The following UNC13A variants were observed in gnomAD, a reference collection of about 807,000 sequenced individuals.
UNC13A encodes the protein unc-13 homolog A, also known as protein unc-13 homolog A.
A neutral mutation model predicts 219.7 loss-of-function variants in UNC13A; 61 were observed. That is an observed-to-expected ratio of 0.28 (90% CI 0.23 to 0.34). The LOEUF (loss-of-function observed/expected upper bound fraction) is 0.34. UNC13A is among the 10% of genes least tolerant of loss of function. The pLI, the probability that UNC13A is intolerant of heterozygous loss-of-function variation, is 1.00. For missense variants in UNC13A, 1,476 were observed against 2,270.3 expected, an observed-to-expected ratio of 0.65 and a Z score of 7.11; for synonymous variants, 920 against 884.6, an observed-to-expected ratio of 1.04 and a Z score of -0.71.
chr19:17,655,568 C>T (rs530293272), intron 10 of UNC13A, among the ~76,000 whole-genome samples, 186 bp from the exon 11 acceptor site: 44 of 152,274 alleles, frequency 2.9e-4, no homozygotes, highest in African/African-American at 1.0e-3. Context: ...ACACCCAATG[C>T]TTCTGTGACA....
chr19:17,620,554 G>C, intron 38 of UNC13A, 139 bp downstream of exon 38: 1 of 522,586 alleles, frequency 1.9e-6, no homozygotes, highest in South Asian at 1.6e-5. Flanking sequence ...AAGCCAGACA[G>C]ACAAAGGAAG....
At chr19:17,677,038 A>G (rs1250372546) in intron 1 of UNC13A, among the ~76,000 whole-genome samples, 2 of 152,124 alleles carry the variant, frequency 1.3e-5, no homozygotes, top group African/African-American at 4.8e-5. Context: ...AGTAATGTAC[A>G]GGGAGACACT....
chr19:17,680,522 C>T (rs563483639), intron 1 of UNC13A, among the ~76,000 whole-genome samples: 92 of 152,302 alleles, frequency 6.0e-4, no homozygotes, highest in African/African-American at 2.1e-3. Context: ...CCCCCAGAAG[C>T]GCTGACTGAT....
chr19:17,666,126 C>CTTT (rs775908127), intron 7 of UNC13A, among the ~76,000 whole-genome samples: 1 of 130,166 alleles, frequency 7.7e-6, no homozygotes. Flanking sequence ...CTTTTCTTTT[C>CTTT]TTTCTTTTTC....
At chr19:17,687,592 T>TC (rs1012922449) in intron 1 of UNC13A, among the ~76,000 whole-genome samples, 11 of 151,266 alleles carry the variant, frequency 7.3e-5, no homozygotes, top group African/African-American at 2.7e-4. Context: ...GTCTCCACAC[T>TC]CCCCCCACTC....
Position 17,616,847 on chromosome 19 carries a change from C to G in UNC13A, c.4558+855G>C, listed in dbSNP as rs77011553. On this transcript the variant is annotated intron_variant, in intron 41 of 43. Transcript: ENST00000519716. ...GGTGTCGATGGCGATTCTCCCTCCC[C>G]CTCCTGAGTTCAAGCCGCCAAACTT... Among the ~76,000 whole-genome samples, 136 of 152,240 alleles carry G rather than the reference C, an allele frequency of 8.9e-4. 4 individuals carry two copies. The South Asian group carries it at 0.017, about 19-fold the overall frequency.
At chr19:17,625,991 A>G (rs898897164) in intron 34 of UNC13A, among the ~76,000 whole-genome samples, 2 of 150,006 alleles carry the variant, frequency 1.3e-5, no homozygotes, top group African/African-American at 5.0e-5. Flanking sequence ...CCATCTATAC[A>G]TCAAAACATT....
chr19:17,626,175 ATCCATCCATCCATCCATCG>A (rs2076781944), intron 34 of UNC13A: 6 of 152,010 alleles, frequency 3.9e-5, no homozygotes, highest in Admixed American at 3.9e-4. Context: ...CCATCCATCC[ATCCATCCATCCATCCATCG>A]TCCATCCAAC....
In UNC13A at chr19:17,669,044, C is replaced by A. The variant is rs35874560; in HGVS notation, c.394+509G>T. ...CTCCTGGCCTCAAATGATCCTCCCC[C>A]CTTGGCCTCCCAAAGTGCTGGGATT... is the stretch of plus-strand genomic sequence containing the variant. On this transcript the variant is annotated intron_variant, in intron 5 of 43. Coordinates refer to ENST00000519716, the MANE Select transcript of UNC13A (RefSeq NM_001080421.3). Among the ~76,000 whole-genome samples the A allele has an allele frequency of 3.9e-5, 6 of 151,982 alleles. No individual in the cohort carries two copies. The South Asian group carries it at 8.3e-4, about 21-fold the overall frequency.
At chr19:17,678,266 G>A (rs912563085) in intron 1 of UNC13A, among the ~76,000 whole-genome samples, 1 of 152,134 alleles carries the variant, frequency 6.6e-6, no homozygotes, top group Non-Finnish European at 1.5e-5. Flanking sequence ...ATCACTTGAC[G>A]TCAGGAGTTC....
chr19:17,661,728 T>G (rs975441438), intron 8 of UNC13A, among the ~76,000 whole-genome samples: 2 of 150,638 alleles, frequency 1.3e-5, no homozygotes, highest in African/African-American at 2.4e-5. Context: ...AAAGAAAGAA[T>G]AGAGGACTGG....
chr19:17,638,391 C>T (rs2076932786), intron 25 of UNC13A, among the ~76,000 whole-genome samples: 1 of 152,082 alleles, frequency 6.6e-6, no homozygotes, highest in Non-Finnish European at 1.5e-5. Flanking sequence ...TCACTTGAGC[C>T]TGGGAGGTCG....
rs1267751009 is a variant in UNC13A, at chr19:17,635,527, CACAATATTGTATATTGT to C, written c.3215+480_3215+496del. On this transcript the variant is annotated intron_variant, in intron 26 of 43. Transcript: ENST00000519716. Reference sequence around the variant, plus strand: ...ACTGTGCCCATATTCATACACAATACACAATATTGTATATTGTACAATATTGTACGTTGAATTGCATT... The same window carrying C: ...ACTGTGCCCATATTCATACACAATACACAATATTGTACGTTGAATTGCATT... Among the ~76,000 whole-genome samples, 6 of 152,224 alleles carry C rather than the reference CACAATATTGTATATTGT, an allele frequency of 3.9e-5. No individual in the cohort carries two copies. The East Asian group carries it at 9.7e-4, about 25-fold the overall frequency.
chr19:17,611,278 G>A (rs1417226108), intron 42 of UNC13A, among the ~76,000 whole-genome samples: 1 of 152,112 alleles, frequency 6.6e-6, no homozygotes, highest in South Asian at 2.1e-4. Context: ...CCACCTCCCG[G>A]GTTCAAGCGA....
At chr19:17,653,329 A>AATATATATAT (rs58439414) in intron 11 of UNC13A, among the ~76,000 whole-genome samples, 13 of 148,500 alleles carry the variant, frequency 8.8e-5, no homozygotes, top group African/African-American at 2.0e-4. Flanking sequence ...TCCTGAAATA[A>AATATATATAT]ATATATATAT....
chr19:17,676,614 G>C (rs2079903647), intron 1 of UNC13A, among the ~76,000 whole-genome samples: 1 of 152,190 alleles, frequency 6.6e-6, no homozygotes, highest in Admixed American at 6.6e-5. Context: ...CCTCTCCCTT[G>C]ATTGTCCAGC....
At chr19:17,640,273 A>T (rs1245086340) in intron 22 of UNC13A, among the ~76,000 whole-genome samples, 1 of 152,126 alleles carries the variant, frequency 6.6e-6, no homozygotes, top group Non-Finnish European at 1.5e-5. Context: ...TCCTGGCCTC[A>T]AGTGATTCTC....
intron 35 of UNC13A, 102 bp downstream of exon 35, chr19:17,624,727 G>A (rs915508078): frequency 8.2e-5 from 119 of 1,447,800 alleles, no homozygotes; most frequent in African/African-American, 2.6e-4. Context: ...CTCTGAGACC[G>A]GATGCCTTTG....
intron 1 of UNC13A, among the ~76,000 whole-genome samples, chr19:17,686,795 AG>A (rs1806118517): frequency 8.0e-6 from 1 of 124,824 alleles, no homozygotes; most frequent in Admixed American, 7.7e-5. Flanking sequence ...CGGGCGGGGC[AG>A]GGTTTGTGAA....
Sources: allele counts gnomAD v4.1 joint callset (sites outside exome capture counted in the v4.1 genomes callset), GRCh38; gene constraint gnomAD v4.1.1; transcripts MANE v1.5; gene names NCBI Gene and HGNC (gene_info 2026-07-23, HGNC 2026-07-21).